The following MXI1 variants were observed in gnomAD, a reference collection of about 807,000 sequenced individuals.
The protein encoded by MXI1 is MAX interactor 1, dimerization protein.
MXI1 carries 18 observed loss-of-function variants against 36.9 expected under a neutral mutation model. The ratio of observed to expected loss-of-function variants is 0.49; its 90% CI spans 0.34 to 0.72. MXI1 has a LOEUF of 0.72. Among genes scored for constraint, MXI1 ranks in the 30% least tolerant of loss-of-function variants. MXI1 has a pLI of 0.01. For missense variants in MXI1, 304 were observed against 379.1 expected (o/e 0.80, Z 1.64); for synonymous variants, 160 against 146.7 (o/e 1.09, Z -0.65).
chr10:110,264,316 T>C (rs182123719), intron 3 of MXI1, among the ~76,000 whole-genome samples: 108 of 152,316 alleles, frequency 7.1e-4, no homozygotes, highest in African/African-American at 2.5e-3. Context: ...AAAGTAGTTT[T>C]GTTTAGCACA....
intron 1 of MXI1, 113 bp downstream of exon 1, chr10:110,208,195 C>A: frequency 9.1e-7 from 1 of 1,102,784 alleles, no homozygotes. Context: ...CATACACATC[C>A]AGCCCTTGGC....
intron 1 of MXI1, among the ~76,000 whole-genome samples, chr10:110,227,127 G>A (rs1487683649): frequency 1.1e-5 from 1 of 88,448 alleles, no homozygotes; most frequent in East Asian, 3.8e-4. Flanking sequence ...GGGTGCGCAC[G>A]TTAGGGGAGG....
intron 3 of MXI1, among the ~76,000 whole-genome samples, chr10:110,256,599 T>C (rs1055247203): frequency 3.7e-5 from 3 of 80,504 alleles, no homozygotes; most frequent in African/African-American, 1.9e-4. Flanking sequence ...TGAGACTCTG[T>C]CTCAAAAAAA....
At position 110,280,067 on chromosome 10, in the gene MXI1, C is replaced by T; in HGVS notation, c.706C>T (p.Arg236Cys). ...CATTGGATCAACTATTTCTTCAGAT[C>T]GTTCTGATTCAGAGCGAGGTAGGCA... ...DSIGSTISSD[R>C]SDSEREEIEV... Residue 236 changes from arginine to cysteine, a missense_variant, in exon 5 of 6, where the codon CGT becomes TGT. Arg to Cys is a radical substitution (Grantham distance 180). Transcript: ENST00000332674. 1.3e-6 allele frequency: 2 copies of T among 1,589,618 alleles called. No homozygotes were observed. The highest frequency in any genetic ancestry group is 1.7e-6 in the Non-Finnish European group (2 of 1,167,098).
chr10:110,231,301 A>G (rs1307963974), intron 2 of MXI1, among the ~76,000 whole-genome samples: 1 of 151,574 alleles, frequency 6.6e-6, no homozygotes, highest in African/African-American at 2.4e-5. Context: ...TGGGAGGCGG[A>G]GGTTGCAGTG....
At chr10:110,220,542 T>C (rs1854777478) in intron 1 of MXI1, among the ~76,000 whole-genome samples, 1 of 152,212 alleles carries the variant, frequency 6.6e-6, no homozygotes. Flanking sequence ...CCTCCACAAC[T>C]TTCTGCTGCC....
chr10:110,268,976 C>G (rs1364042506), intron 3 of MXI1, among the ~76,000 whole-genome samples: 1 of 152,162 alleles, frequency 6.6e-6, no homozygotes, highest in Non-Finnish European at 1.5e-5. Flanking sequence ...TACACACTGG[C>G]CAACAATTCC....
chr10:110,272,464 G>C (rs890907328), intron 3 of MXI1, among the ~76,000 whole-genome samples: 2 of 151,962 alleles, frequency 1.3e-5, no homozygotes, highest in Non-Finnish European at 2.9e-5. Flanking sequence ...ATGACTTCTG[G>C]AAAGGATAGT....
At chr10:110,278,577 G>C (rs550571003) in intron 3 of MXI1, among the ~76,000 whole-genome samples, 1 of 152,230 alleles carries the variant, frequency 6.6e-6, no homozygotes, top group East Asian at 1.9e-4. Context: ...TGTTGTATTG[G>C]AGTATAAGAA....
intron 1 of MXI1, among the ~76,000 whole-genome samples, chr10:110,215,501 C>A (rs1445844796): frequency 6.6e-6 from 1 of 152,134 alleles, no homozygotes; most frequent in African/African-American, 2.4e-5. Flanking sequence ...AGAACCAGGT[C>A]CTTCTGGGCT....
intron 3 of MXI1, among the ~76,000 whole-genome samples, chr10:110,272,605 A>G (rs2134453478): frequency 6.6e-6 from 1 of 152,174 alleles, no homozygotes; most frequent in Middle Eastern, 3.4e-3. Context: ...AGAATAAGTA[A>G]CATGCATCTC....
intron 3 of MXI1, among the ~76,000 whole-genome samples, chr10:110,273,185 C>T (rs975624531): frequency 3.3e-5 from 5 of 151,386 alleles, no homozygotes; most frequent in African/African-American, 1.2e-4. Context: ...GTAGCTGGGA[C>T]TACAGGCATG....
At chr10:110,273,508 T>C (rs1564724982) in intron 3 of MXI1, among the ~76,000 whole-genome samples, 1 of 152,150 alleles carries the variant, frequency 6.6e-6, no homozygotes, top group Non-Finnish European at 1.5e-5. Flanking sequence ...GCAGGGTTTT[T>C]TGGGGGGATA....
intron 3 of MXI1, among the ~76,000 whole-genome samples, chr10:110,249,123 T>C (rs1197589861): frequency 6.6e-6 from 1 of 152,216 alleles, no homozygotes; most frequent in African/African-American, 2.4e-5. Flanking sequence ...ATTCTAGCTT[T>C]GGCATCCTTT....
chr10:110,211,543 C>T (rs1470218545), intron 1 of MXI1, among the ~76,000 whole-genome samples: 1 of 152,260 alleles, frequency 6.6e-6, no homozygotes, highest in Non-Finnish European at 1.5e-5. Flanking sequence ...TCCGTTTTTA[C>T]TGCTGTTTGC....
At chr10:110,259,999 ATAAG>A (rs1040362283) in intron 3 of MXI1, among the ~76,000 whole-genome samples, 11 of 152,070 alleles carry the variant, frequency 7.2e-5, no homozygotes, top group African/African-American at 1.4e-4. Context: ...AACTTAACTC[ATAAG>A]TAAATGACTT....
chr10:110,278,488 A>G (rs1857117536), intron 3 of MXI1, among the ~76,000 whole-genome samples: 1 of 152,134 alleles, frequency 6.6e-6, no homozygotes. Context: ...TTTATGGGTT[A>G]TTTCTGTGGC....
intron 1 of MXI1, among the ~76,000 whole-genome samples, chr10:110,216,927 A>G (rs1385675834): frequency 6.6e-6 from 1 of 151,850 alleles, no homozygotes; most frequent in African/African-American, 2.4e-5. Context: ...CTCGGCCTCC[A>G]AAAGTGCTGG....
At chr10:110,236,179 G>A (rs545675263) in intron 2 of MXI1, among the ~76,000 whole-genome samples, 45 of 58,442 alleles carry the variant, frequency 7.7e-4, no homozygotes, top group South Asian at 3.2e-3. Context: ...TGGACATCCA[G>A]TTGTTCCAGT....
Sources: gnomAD v4.1 joint callset for allele counts (sites outside exome capture counted in the v4.1 genomes callset) on GRCh38, gnomAD v4.1.1 for gene constraint, MANE v1.5 for transcripts, NCBI Gene and HGNC (gene_info 2026-07-23, HGNC 2026-07-21) for gene names.